Variants in POTEB3 observed in about 807,000 individuals in gnomAD.
POTEB3 encodes the protein ANKRD26-like family B member 1.
POTEB3 carries 5 observed loss-of-function variants against 39.8 expected under a neutral mutation model. The observed-to-expected ratio is 0.13, with a 90% CI of 0.07 to 0.26. The LOEUF is 0.26. POTEB3 is among the 10% of genes least tolerant of loss of function. The pLI is 1.00. For synonymous variants in POTEB3, 5 were observed against 161.5 expected (o/e 0.03, Z 7.35); for missense variants, 24 against 475.6 (o/e 0.05, Z 8.83).
At chr15:21,419,896 G>T (rs1391264443) in intron 8 of POTEB3, among the ~76,000 whole-genome samples, 1 of 135,470 alleles carries the variant, frequency 7.4e-6, no homozygotes, top group African/African-American at 3.0e-5. Context: ...AATTCAAAAA[G>T]GGCCCTCCTT....
At chr15:21,426,486 T>C (rs1898715736) in intron 6 of POTEB3, among the ~76,000 whole-genome samples, 1 of 148,270 alleles carries the variant, frequency 6.7e-6, no homozygotes, top group Admixed American at 6.7e-5. Context: ...TTCTGTAGCA[T>C]TAGAAAAATG....
In POTEB3 at chr15:21,407,629, C is replaced by G. The variant is rs1275174887; in HGVS notation, c.*1354G>C. Among the ~76,000 whole-genome samples, 2 of 85,888 alleles carry G rather than the reference C, an allele frequency of 2.3e-5. No individual in the cohort carries two copies. The highest frequency in any genetic ancestry group is 4.1e-5 in the Non-Finnish European group (2 of 48,338). 56.3% of individuals were successfully genotyped at this position (85,888 alleles called of 152,430 possible). A position where few individuals can be genotyped will look rare whatever the true frequency, so the allele number is the denominator to read the frequency against. On this transcript the variant is annotated 3_prime_UTR_variant, in exon 11 of 11. Transcript: ENST00000611217. Reference sequence around the variant, plus strand: ...TGGCTGGGGTCCTGGGAGAGGCAAGCAGACTAAGGGGTGCTGAGGTCAGAC... The same window carrying G: ...TGGCTGGGGTCCTGGGAGAGGCAAGGAGACTAAGGGGTGCTGAGGTCAGAC...
At chr15:21,424,744 A>C in intron 6 of POTEB3, among the ~76,000 whole-genome samples, 1 of 151,870 alleles carries the variant, frequency 6.6e-6, no homozygotes, top group East Asian at 1.9e-4. Context: ...CCCAGCTTAA[A>C]TACTAGTGTA....
At chr15:21,423,427 G>T (rs1432526687) in intron 6 of POTEB3, among the ~76,000 whole-genome samples, 1 of 47,690 alleles carries the variant, frequency 2.1e-5, no homozygotes, top group African/African-American at 7.8e-5. Flanking sequence ...AATGCTATGG[G>T]AAGTCTTCCT....
chr15:21,417,592 G>A lies in POTEB3; in HGVS notation c.1409+1872C>T, dbSNP rs1595359586. Among the ~76,000 whole-genome samples the A allele has an allele frequency of 2.6e-5, 2 of 75,794 alleles. 1 individual carries two copies. The highest frequency in any genetic ancestry group is 2.9e-4 in the African/African-American group (2 of 6,842). The allele number at this position is 75,794 out of a possible 152,430, so 49.7% of individuals were successfully genotyped here. A position where few individuals can be genotyped will look rare whatever the true frequency, so the allele number is the denominator to read the frequency against. On this transcript the variant is annotated intron_variant, in intron 9 of 10. Coordinates refer to ENST00000611217, the MANE Select transcript of POTEB3 (RefSeq NM_207355.5). ...GATTACATAAGCCAATTATCATTTT[G>A]TTCATGCTTATACATAAAGACCAAG...
At chr15:21,419,900 C>A (rs1460194773) in intron 8 of POTEB3, among the ~76,000 whole-genome samples, 1 of 134,126 alleles carries the variant, frequency 7.5e-6, no homozygotes. Context: ...CAAAAAGGGC[C>A]CTCCTTCATT....
intron 3 of POTEB3, among the ~76,000 whole-genome samples, chr15:21,433,261 T>G: frequency 6.6e-6 from 1 of 151,208 alleles, no homozygotes; most frequent in Middle Eastern, 3.4e-3. Flanking sequence ...AATTTGTTGT[T>G]GTTGTTGTTA....
At position 21,422,835 on chromosome 15, in the gene POTEB3, T is replaced by G. The variant is rs1202698159; in HGVS notation, c.1127-645A>C. Among the ~76,000 whole-genome samples, 6 of 151,408 alleles carry G rather than the reference T, an allele frequency of 4.0e-5. No homozygotes were observed. The South Asian group carries it at 1.3e-3, about 32-fold the overall frequency. ...ACTGTCACTATATGATTAACTGCCTTTGTTCTGCTTCTATAAGTTTGCCTA... is the reference window on the plus strand; with the variant it reads ...ACTGTCACTATATGATTAACTGCCTGTGTTCTGCTTCTATAAGTTTGCCTA... On this transcript the variant is annotated intron_variant, in intron 6 of 10. Transcript: ENST00000611217.
intron 3 of POTEB3, among the ~76,000 whole-genome samples, chr15:21,434,108 C>G (rs1287806570): frequency 2.1e-5 from 3 of 142,798 alleles, no homozygotes; most frequent in Non-Finnish European, 3.1e-5. Flanking sequence ...ATGGTCTTTT[C>G]CCCCATTACC....
Position 21,409,098 on chromosome 15 carries a change from T to C in POTEB3, c.1631A>G (p.Lys544Arg). Reference sequence around the variant, plus strand: ...ATTTTCCCTTAGCTGGTTCTGATGTTTTGTTTCATCTAGTTCCAGTCTTAG... The same window carrying C: ...ATTTTCCCTTAGCTGGTTCTGATGTCTTGTTTCATCTAGTTCCAGTCTTAG... ...AMLRLELDETKHQNQLRENKI... is the reference protein window; with the variant it reads ...AMLRLELDETRHQNQLRENKI... The change falls in exon 11 of 11, where the codon AAA (lysine) becomes AGA (arginine). Residue 544 changes from lysine to arginine, a missense_variant. Coordinates refer to ENST00000611217, the MANE Select transcript of POTEB3 (RefSeq NM_207355.5). 1 of 642,724 alleles carries C rather than the reference T, an allele frequency of 1.6e-6. No homozygotes were observed. Among genetic ancestry groups the C allele is most frequent in the East Asian group, 3.2e-5 (1 of 31,166 alleles). 39.8% of individuals were successfully genotyped at this position (642,724 alleles called of 1,614,324 possible). A position where few individuals can be genotyped will look rare whatever the true frequency, so the allele number is the denominator to read the frequency against.
intron 4 of POTEB3, among the ~76,000 whole-genome samples, chr15:21,430,780 A>G (rs1457692138): frequency 2.0e-5 from 3 of 151,450 alleles, no homozygotes; most frequent in African/African-American, 7.3e-5. Context: ...AGGGGCTAAG[A>G]TAAATAAGAG....
chr15:21,423,028 C>T (rs1280401158), intron 6 of POTEB3, among the ~76,000 whole-genome samples: 4 of 148,256 alleles, frequency 2.7e-5, no homozygotes, highest in South Asian at 2.2e-4. Context: ...ACTACTGACA[C>T]CTTTATTAGT....
In POTEB3 at chr15:21,440,391, A is replaced by AGCCAAGCTAGGAACGCAAG. The variant is rs1899233511; in HGVS notation, c.-399_-381dup. 3.1e-6 allele frequency: 1 copy of AGCCAAGCTAGGAACGCAAG among 322,786 alleles called. No individual in the cohort carries two copies. Among genetic ancestry groups the AGCCAAGCTAGGAACGCAAG allele is most frequent in the Non-Finnish European group, 5.5e-6 (1 of 182,528 alleles). The allele number at this position is 322,786 out of a possible 1,614,324, so 20.0% of individuals were successfully genotyped here. On this transcript the variant is annotated 5_prime_UTR_variant, in exon 1 of 11. Coordinates refer to ENST00000611217, the MANE Select transcript of POTEB3 (RefSeq NM_207355.5). ...CACCAGGCAAAGCTACTAACAGCCA[A>AGCCAAGCTAGGAACGCAAG]GCCAAGCTAGGAACGCAAGGCCAAG...
rs1330297048 is a variant in POTEB3 at position 21,407,674 on chromosome 15, AG to A, written c.*1308del. Among the ~76,000 whole-genome samples, 1 of 84,962 alleles carries A rather than the reference AG, an allele frequency of 1.2e-5. No individual in the cohort carries two copies. The highest frequency in any genetic ancestry group is 2.1e-5 in the Non-Finnish European group (1 of 47,722). The allele number at this position is 84,962 out of a possible 152,430, so 55.7% of individuals were successfully genotyped here. ...TCAGACCAGCCCCATCTCATGTGCA[AG>A]ACTGCCCAGCAGAGATCAGGTCTCA... On this transcript the variant is annotated 3_prime_UTR_variant, in exon 11 of 11. Transcript: ENST00000611217.
intron 10 of POTEB3, among the ~76,000 whole-genome samples, chr15:21,409,979 AC>A (rs1190973574): frequency 4.2e-4 from 20 of 47,682 alleles, no homozygotes; most frequent in East Asian, 3.0e-3. Flanking sequence ...TCTAGAATAC[AC>A]ACACACACAC....
chr15:21,426,047 C>T (rs1433294627), intron 6 of POTEB3: 1 of 355,146 alleles, frequency 2.8e-6, no homozygotes, highest in Non-Finnish European at 5.4e-6. Context: ...GTATTCACCT[C>T]ATTCCCAAAC....
In POTEB3 at chr15:21,439,868, G is replaced by T; in HGVS notation, c.144C>A (p.Asp48Glu). ...GCGTCTTCATAAAGGAGTCGTCGTG[G>T]TCTCCAGAAGTGCCCATGTTGCTCT... is the stretch of plus-strand genomic sequence containing the variant. The part of the protein sequence containing the change: ...SGKSNMGTSG[D>E]HDDSFMKTLR... The change falls in exon 1 of 11, where the codon GAC (aspartate) becomes GAA (glutamate). Residue 48 changes from aspartate to glutamate, a missense_variant. Coordinates refer to ENST00000611217, the MANE Select transcript of POTEB3 (RefSeq NM_207355.5). 1 of 1,542,452 alleles carries T rather than the reference G, an allele frequency of 6.5e-7. No individual in the cohort carries two copies. The highest frequency in any genetic ancestry group is 1.2e-5 in the South Asian group (1 of 86,614).
intron 9 of POTEB3, among the ~76,000 whole-genome samples, chr15:21,413,532 A>ATATC: frequency 4.3e-5 from 1 of 23,514 alleles, no homozygotes; most frequent in East Asian, 1.4e-3. Flanking sequence ...ATATATATAT[A>ATATC]TATATATATA....
At chr15:21,423,174 C>T (rs1311191837) in intron 6 of POTEB3, among the ~76,000 whole-genome samples, 4 of 137,230 alleles carry the variant, frequency 2.9e-5, no homozygotes, top group Non-Finnish European at 4.8e-5. Flanking sequence ...AATCTCAGCT[C>T]ACTGCAACCT....
Sources: gnomAD v4.1 joint callset for allele counts (sites outside exome capture counted in the v4.1 genomes callset) on GRCh38, gnomAD v4.1.1 for gene constraint, MANE v1.5 for transcripts, NCBI Gene and HGNC (gene_info 2026-07-23, HGNC 2026-07-21) for gene names.